SOX5: variants seen among roughly 807,000 people sequenced by gnomAD.
SOX5 encodes the protein transcription factor SOX-5.
In SOX5, 9 loss-of-function variants were observed where a neutral mutation model predicts 92.0. The ratio of observed to expected loss-of-function variants is 0.10; its 90% CI spans 0.06 to 0.17. The LOEUF is 0.17. SOX5 is among the 10% of genes least tolerant of loss of function. The pLI is 1.00. For synonymous variants in SOX5, 344 were observed against 336.3 expected (o/e 1.02, Z -0.25); for missense variants, 642 against 944.5 (o/e 0.68, Z 4.20).
chr12:24,307,415 G>A (rs1341717456), intron 2 of SOX5, among the ~76,000 whole-genome samples: 6 of 151,618 alleles, frequency 4.0e-5, no homozygotes, highest in African/African-American at 1.5e-4. Flanking sequence ...ATCTGGCAGA[G>A]ACAGTGTCTT....
At chr12:24,021,877 T>C (rs1954334745) in intron 4 of SOX5, among the ~76,000 whole-genome samples, 1 of 152,214 alleles carries the variant, frequency 6.6e-6, no homozygotes, top group Non-Finnish European at 1.5e-5. Flanking sequence ...CGTTTAGTCA[T>C]TTGGGGAATT....
At chr12:24,543,343 A>C (rs903970747) in intron 1 of SOX5, among the ~76,000 whole-genome samples, 1 of 152,270 alleles carries the variant, frequency 6.6e-6, no homozygotes, top group Non-Finnish European at 1.5e-5. Flanking sequence ...TGAATGAATA[A>C]GAAGTTAAGA....
chr12:24,477,668 A>G (rs191913253), intron 1 of SOX5, among the ~76,000 whole-genome samples: 84 of 152,266 alleles, frequency 5.5e-4, no homozygotes, highest in African/African-American at 2.0e-3. Flanking sequence ...AAATCCCTCA[A>G]GTCTTCTGGG....
At chr12:23,620,637 T>G (rs1392551543) in intron 8 of SOX5, among the ~76,000 whole-genome samples, 2 of 152,052 alleles carry the variant, frequency 1.3e-5, no homozygotes, top group Non-Finnish European at 2.9e-5. Context: ...AATGAGTCCT[T>G]TTCACTACCC....
chr12:23,794,313 A>G (rs1006286253), intron 3 of SOX5, among the ~76,000 whole-genome samples: 6 of 152,120 alleles, frequency 3.9e-5, no homozygotes, highest in African/African-American at 1.4e-4. Flanking sequence ...TACTCCCCAT[A>G]AAGTCTTATT....
intron 2 of SOX5, among the ~76,000 whole-genome samples, chr12:24,366,319 T>C (rs770767288): frequency 6.6e-6 from 1 of 152,178 alleles, no homozygotes; most frequent in Non-Finnish European, 1.5e-5. Flanking sequence ...AAGGTGATTC[T>C]GCTCTCTGCT....
At chr12:24,065,852 A>G (rs966992809) in intron 4 of SOX5, among the ~76,000 whole-genome samples, 3 of 152,130 alleles carry the variant, frequency 2.0e-5, no homozygotes, top group African/African-American at 7.2e-5. Context: ...TGCAAATGAC[A>G]AAAAGCTCAA....
intron 4 of SOX5, among the ~76,000 whole-genome samples, chr12:24,036,911 C>A (rs17482853): frequency 0.13 from 20,195 of 152,098 alleles, 1,840 homozygotes; most frequent in Non-Finnish European, 0.2. Context: ...TTTAAATTAA[C>A]ACACACATTC....
intron 4 of SOX5, among the ~76,000 whole-genome samples, chr12:23,752,996 C>A (rs1260877258): frequency 1.3e-5 from 2 of 151,704 alleles, no homozygotes; most frequent in Non-Finnish European, 2.9e-5. Flanking sequence ...GTAAAATAAT[C>A]CAACATGAAA....
chr12:24,479,835 T>C (rs1263347583), intron 1 of SOX5, among the ~76,000 whole-genome samples: 2 of 151,962 alleles, frequency 1.3e-5, no homozygotes, highest in African/African-American at 4.8e-5. Flanking sequence ...CTGGCTAATT[T>C]TTGTATTGTT....
intron 3 of SOX5, among the ~76,000 whole-genome samples, chr12:23,825,066 C>A (rs917416473): frequency 5.9e-5 from 9 of 152,198 alleles, no homozygotes; most frequent in African/African-American, 1.9e-4. Context: ...CCACTCGGCT[C>A]CCTAGCTTCA....
At chr12:24,143,094 G>A (rs1950745360) in intron 4 of SOX5, among the ~76,000 whole-genome samples, 1 of 152,138 alleles carries the variant, frequency 6.6e-6, no homozygotes, top group African/African-American at 2.4e-5. Flanking sequence ...ATTCAAAAGT[G>A]TCTCACTTTA....
intron 1 of SOX5, among the ~76,000 whole-genome samples, chr12:24,536,821 GA>G (rs1951680878): frequency 1.3e-5 from 2 of 152,104 alleles, no homozygotes; most frequent in Admixed American, 1.3e-4. Context: ...AAACACAGCT[GA>G]ATTCAAGGAT....
At chr12:24,025,952 A>G (rs988758669) in intron 4 of SOX5, among the ~76,000 whole-genome samples, 23 of 152,092 alleles carry the variant, frequency 1.5e-4, no homozygotes, top group Admixed American at 7.9e-4. Flanking sequence ...TGTGCTTTCT[A>G]ATCCACACCC....
chr12:24,478,496 G>C (rs895973870), intron 1 of SOX5, among the ~76,000 whole-genome samples: 1 of 152,144 alleles, frequency 6.6e-6, no homozygotes, highest in African/African-American at 2.4e-5. Flanking sequence ...CTTAAAGAAA[G>C]ATCTCTCCAC....
At chr12:23,799,391 T>C (rs2095621940) in intron 3 of SOX5, among the ~76,000 whole-genome samples, 1 of 152,112 alleles carries the variant, frequency 6.6e-6, no homozygotes, top group Non-Finnish European at 1.5e-5. Flanking sequence ...AAGTAAACAC[T>C]ATATCCTTTC....
chr12:24,419,401 A>G (rs563054177), intron 1 of SOX5, among the ~76,000 whole-genome samples: 151 of 152,230 alleles, frequency 9.9e-4, no homozygotes, highest in African/African-American at 3.5e-3. Context: ...TGGCCTCCCA[A>G]TGTGCTGTGA....
At chr12:23,717,589 G>A (rs939015383) in intron 6 of SOX5, among the ~76,000 whole-genome samples, 1 of 152,186 alleles carries the variant, frequency 6.6e-6, no homozygotes, top group Non-Finnish European at 1.5e-5. Context: ...ATGTAAGCAG[G>A]TGGGTATGTA....
At chr12:23,937,242 A>C (rs540653580) in intron 1 of SOX5, among the ~76,000 whole-genome samples, 1 of 151,090 alleles carries the variant, frequency 6.6e-6, no homozygotes, top group Non-Finnish European at 1.5e-5. Context: ...CTCTAATGCT[A>C]AGGAACAGTC....
Sources: allele counts gnomAD v4.1 joint callset (sites outside exome capture counted in the v4.1 genomes callset), GRCh38; gene constraint gnomAD v4.1.1; transcripts MANE v1.5; gene names NCBI Gene and HGNC (gene_info 2026-07-23, HGNC 2026-07-21).